Variants in NAV3 observed in about 807,000 individuals in gnomAD.
The protein encoded by NAV3 is pore membrane and/or filament interacting like protein 1.
NAV3 carries 87 observed loss-of-function variants against 244.7 expected under a neutral mutation model. The observed-to-expected ratio is 0.36, with a 90% CI of 0.30 to 0.42. The LOEUF (loss-of-function observed/expected upper bound fraction) is 0.42. Among genes scored for constraint, NAV3 ranks in the 20% least tolerant of loss-of-function variants. NAV3 has a pLI of 1.00. For missense variants in NAV3, 2,663 were observed against 2,893.3 expected, an observed-to-expected ratio of 0.92 and a Z score of 1.83; for synonymous variants, 1,126 against 1,042.2, an observed-to-expected ratio of 1.08 and a Z score of -1.55.
At chr12:77,678,455 A>T (rs972305638) in intron 2 of NAV3, among the ~76,000 whole-genome samples, 2 of 152,214 alleles carry the variant, frequency 1.3e-5, no homozygotes. Flanking sequence ...TGTATTAAGC[A>T]TAATTTTTTA....
intron 2 of NAV3, among the ~76,000 whole-genome samples, chr12:77,674,063 A>G (rs1234271843): frequency 6.6e-6 from 1 of 152,184 alleles, no homozygotes; most frequent in Admixed American, 6.6e-5. Context: ...TTAAAATACT[A>G]TTAAGAATAT....
intron 11 of NAV3, among the ~76,000 whole-genome samples, chr12:78,058,598 G>C (rs35475090): frequency 6.6e-6 from 1 of 151,994 alleles, no homozygotes. Context: ...TGGAAGTTTA[G>C]GTTTTGATCC....
intron 3 of NAV3, among the ~76,000 whole-genome samples, chr12:77,965,574 G>A (rs1892442753): frequency 6.6e-6 from 1 of 152,116 alleles, no homozygotes; most frequent in Non-Finnish European, 1.5e-5. Context: ...AGCCAAGATC[G>A]TGCCACTGCA....
At chr12:77,872,232 A>G (rs1025096288) in intron 1 of NAV3, among the ~76,000 whole-genome samples, 4 of 152,160 alleles carry the variant, frequency 2.6e-5, no homozygotes, top group African/African-American at 9.7e-5. Flanking sequence ...CTTGTATACT[A>G]TATTAACTTG....
intron 2 of NAV3, among the ~76,000 whole-genome samples, chr12:77,682,853 A>G (rs1296190273): frequency 2.0e-5 from 3 of 151,736 alleles, no homozygotes; most frequent in African/African-American, 7.3e-5. Flanking sequence ...TAATTGTATT[A>G]TTTGTTTTGT....
chr12:78,112,037 T>C (rs953377397), intron 12 of NAV3, among the ~76,000 whole-genome samples: 3 of 152,192 alleles, frequency 2.0e-5, no homozygotes, highest in Admixed American at 1.3e-4. Flanking sequence ...TCTCATTTAT[T>C]GGGATGATTA....
intron 9 of NAV3, among the ~76,000 whole-genome samples, chr12:78,023,424 A>C (rs2136844303): frequency 6.6e-6 from 1 of 152,332 alleles, no homozygotes; most frequent in East Asian, 1.9e-4. Flanking sequence ...TTAATGTAAT[A>C]ATTTAATGGG....
At chr12:77,631,645 T>C (rs1679121549) in intron 2 of NAV3, among the ~76,000 whole-genome samples, 2 of 152,118 alleles carry the variant, frequency 1.3e-5, no homozygotes, top group South Asian at 2.1e-4. Context: ...GGAATGATAA[T>C]AATATTGACA....
intron 17 of NAV3, among the ~76,000 whole-genome samples, chr12:78,128,090 C>G (rs1955998417): frequency 6.6e-6 from 1 of 151,948 alleles, no homozygotes; most frequent in Admixed American, 6.6e-5. Flanking sequence ...CTAGGTCTTT[C>G]TCCATTATTT....
At chr12:77,700,834 A>G (rs115169008) in intron 2 of NAV3, among the ~76,000 whole-genome samples, 63 of 152,000 alleles carry the variant, frequency 4.1e-4, no homozygotes, top group African/African-American at 1.5e-3. Flanking sequence ...TTCTATTAAT[A>G]TAGTTAATTG....
rs2138688858 is a variant in NAV3 at position 78,122,119 on chromosome 12, C to T, written c.3929C>T (p.Pro1310Leu). The change falls in exon 16 of 40, where the codon CCT (proline) becomes CTT (leucine). Residue 1310 changes from proline to leucine, a missense_variant. Coordinates refer to ENST00000397909, the MANE Select transcript of NAV3 (RefSeq NM_001024383.2). ...SAGGLSGSSS[P>L]LFNKPSDLTT... is the part of the protein sequence containing the mutation. ...GGTGGGCTAAGCGGCAGCAGCAGCC[C>T]TCTCTTCAATAAACCCTCAGACTTA... is the stretch of plus-strand genomic sequence containing the variant. The T allele has an allele frequency of 6.2e-7, 1 of 1,614,182 alleles. No homozygotes were observed. The highest frequency in any genetic ancestry group is 8.5e-7 in the Non-Finnish European group (1 of 1,180,026).
chr12:77,809,787 T>C (rs1192207579), intron 2 of NAV3, among the ~76,000 whole-genome samples: 1 of 152,250 alleles, frequency 6.6e-6, no homozygotes, highest in Non-Finnish European at 1.5e-5. Context: ...TTGAGTTAAA[T>C]TGCTAATTTC....
intron 2 of NAV3, among the ~76,000 whole-genome samples, chr12:77,618,752 C>T (rs757192181): frequency 6.6e-6 from 1 of 151,964 alleles, no homozygotes; most frequent in Non-Finnish European, 1.5e-5. Context: ...TTTTGTAATG[C>T]TCCAGAGAAA....
chr12:77,694,926 A>G (rs897286436), intron 2 of NAV3, among the ~76,000 whole-genome samples: 1 of 152,200 alleles, frequency 6.6e-6, no homozygotes, highest in Non-Finnish European at 1.5e-5. Flanking sequence ...ACTCAGGGAC[A>G]CAGCAAGGTT....
chr12:78,165,410 C>CTTT, intron 23 of NAV3, among the ~76,000 whole-genome samples: 1 of 151,406 alleles, frequency 6.6e-6, no homozygotes, highest in Non-Finnish European at 1.5e-5. Context: ...ATGGCATATA[C>CTTT]ATTTTTCAGT....
chr12:78,043,892 C>A (rs1881309883), intron 9 of NAV3, among the ~76,000 whole-genome samples: 1 of 152,194 alleles, frequency 6.6e-6, no homozygotes, highest in Admixed American at 6.5e-5. Context: ...CCTGTTCACT[C>A]TGATGATAGT....
At chr12:78,118,909 A>T (rs1955541741) in intron 14 of NAV3, among the ~76,000 whole-genome samples, 1 of 152,242 alleles carries the variant, frequency 6.6e-6, no homozygotes, top group South Asian at 2.1e-4. Context: ...CATCTCACAG[A>T]TATTCAAATG....
chr12:78,200,289 AAGAT>A (rs2140026871), intron 37 of NAV3, among the ~76,000 whole-genome samples, 180 bp from the exon 38 acceptor site: 1 of 152,212 alleles, frequency 6.6e-6, no homozygotes, highest in South Asian at 2.1e-4. Flanking sequence ...TTATTGTAAA[AAGAT>A]AGAATAGGCT....
chr12:77,930,363 G>GT (rs952850452), intron 1 of NAV3, among the ~76,000 whole-genome samples: 6 of 150,332 alleles, frequency 4.0e-5, no homozygotes, highest in South Asian at 2.1e-4. Context: ...AGAGTTTGTT[G>GT]TTTTTTTTCT....
Sources: allele counts gnomAD v4.1 joint callset (sites outside exome capture counted in the v4.1 genomes callset), GRCh38; gene constraint gnomAD v4.1.1; transcripts MANE v1.5; gene names NCBI Gene and HGNC (gene_info 2026-07-23, HGNC 2026-07-21).